Variants in LRRC32 observed in about 807,000 individuals in gnomAD.
LRRC32 encodes the protein transforming growth factor beta activator LRRC32.
Under a neutral mutation model 15.0 loss-of-function variants are expected in LRRC32, and 5 were observed. That is an observed-to-expected ratio of 0.33 (90% CI 0.17 to 0.70). The LOEUF is 0.70. LRRC32 is among the 30% of genes least tolerant of loss of function. The pLI, the probability that LRRC32 is intolerant of heterozygous loss-of-function variation, is 0.66. For missense variants in LRRC32, 803 were observed against 854.2 expected (o/e 0.94, Z 0.75); for synonymous variants, 391 against 403.9 (o/e 0.97, Z 0.38).
rs1952495248 is a variant in LRRC32 at position 76,660,355 on chromosome 11, TGCAG to T, written c.1234_1237del (p.Leu412SerfsTer36). ...TCGGTTCCCCTGCAGGTTGAGCCGC[TGCAG>T]GCTGGCCAGATTGGCAAAGGTGTAT... is the stretch of plus-strand genomic sequence containing the variant. On this transcript the variant is annotated frameshift_variant, in exon 3 of 3. Transcript: ENST00000260061. LOFTEE classifies it high-confidence loss of function. 6.2e-7 allele frequency: 1 copy of T among 1,612,998 alleles called. No homozygotes were observed. Among genetic ancestry groups the T allele is most frequent in the African/African-American group, 1.3e-5 (1 of 75,062 alleles).
chr11:76,665,527 T>A (rs577765440), intron 2 of LRRC32, among the ~76,000 whole-genome samples: 1 of 152,232 alleles, frequency 6.6e-6, no homozygotes, highest in East Asian at 1.9e-4. Context: ...CACATATATA[T>A]ATATTCTAGA....
intron 2 of LRRC32, chr11:76,663,090 G>A (rs531457293): frequency 2.0e-5 from 3 of 152,340 alleles, no homozygotes; most frequent in African/African-American, 4.8e-5. Flanking sequence ...AATTGTGGCT[G>A]TGTGTGTGAG....
At position 76,659,513 on chromosome 11, in the gene LRRC32, G is replaced by C; in HGVS notation, c.*91C>G. 1 of 1,373,768 alleles carries C rather than the reference G, an allele frequency of 7.3e-7. No homozygotes were observed. Among genetic ancestry groups the C allele is most frequent in the Middle Eastern group, 2.6e-4 (1 of 3,864 alleles). 85.1% of individuals were successfully genotyped at this position (1,373,768 alleles called of 1,614,324 possible). On this transcript the variant is annotated 3_prime_UTR_variant, in exon 3 of 3. Transcript: ENST00000260061. ...CTGTAATTTGGAGACCAGAGTTCTG[G>C]GATCCCGGATCACTGTGTGACCTTG... is the stretch of plus-strand genomic sequence containing the variant.
chr11:76,659,722 T>A lies in LRRC32; in HGVS notation c.1871A>T (p.Lys624Met). The change falls in exon 3 of 3, where the codon AAG becomes ATG. Residue 624 changes from lysine (K) to methionine (M), a missense_variant. Lys to Met is a moderately conservative substitution (Grantham distance 95, BLOSUM62 -1). Coordinates refer to ENST00000260061, the MANE Select transcript of LRRC32 (RefSeq NM_001128922.2). ...GAGGATGATGATGAGGTTGATGTTCTTCAGTCCCCCCTTCTCACAGTCCTC... is the reference window on the plus strand; with the variant it reads ...GAGGATGATGATGAGGTTGATGTTCATCAGTCCCCCCTTCTCACAGTCCTC... ...RPEDCEKGGL[K>M]NINLIIILTF... 1 of 1,614,190 alleles carries A rather than the reference T, an allele frequency of 6.2e-7. No individual in the cohort carries two copies. The highest frequency in any genetic ancestry group is 8.5e-7 in the Non-Finnish European group (1 of 1,180,028).
chr11:76,660,449 C>A lies in LRRC32; in HGVS notation c.1144G>T (p.Ala382Ser). ...HNALETLELG[A>S]RALGSLRTLL... is the part of the protein sequence containing the mutation. ...GTCCGCAGAGACCCCAGGGCTCTGGCGCCCAGTTCCAGTGTCTCCAGGGCA... is the reference window on the plus strand; with the variant it reads ...GTCCGCAGAGACCCCAGGGCTCTGGAGCCCAGTTCCAGTGTCTCCAGGGCA... Residue 382 changes from alanine (A) to serine (S), a missense_variant, in exon 3 of 3, where the codon GCC (alanine) becomes TCC (serine). Physicochemically the swap from Ala to Ser is moderately conservative, Grantham distance 99. Transcript: ENST00000260061. The A allele has an allele frequency of 1.2e-6, 2 of 1,613,628 alleles. No individual in the cohort carries two copies. Among genetic ancestry groups the A allele is most frequent in the East Asian group, 4.5e-5 (2 of 44,860 alleles).
In LRRC32 at chr11:76,660,508, A is replaced by G. The variant is rs1382298768; in HGVS notation, c.1085T>C (p.Leu362Pro). ...TAAGTCAAGGAGCATCAGGCAGGGC[A>G]GGGAGCCTAAGCGCCGGGCCTCAAA... is the stretch of plus-strand genomic sequence containing the variant. ...RTFEARRLGSLPCLMLLDLSH... is the reference protein window; with the variant it reads ...RTFEARRLGSPPCLMLLDLSH... Residue 362 changes from leucine (L) to proline (P), a missense_variant, in exon 3 of 3, where the codon CTG becomes CCG. Physicochemically the swap from Leu to Pro is moderately conservative, Grantham distance 98. Transcript: ENST00000260061. The G allele has an allele frequency of 1.9e-6, 3 of 1,614,020 alleles. No homozygotes were observed. The highest frequency in any genetic ancestry group is 2.5e-6 in the Non-Finnish European group (3 of 1,180,018).
intron 2 of LRRC32, among the ~76,000 whole-genome samples, chr11:76,662,047 A>C (rs1565405079): frequency 6.6e-6 from 1 of 152,140 alleles, no homozygotes; most frequent in Non-Finnish European, 1.5e-5. Context: ...ATCAGTTTTT[A>C]TCTTGGCCTC....
chr11:76,668,412 C>T (rs896857354), intron 1 of LRRC32, among the ~76,000 whole-genome samples: 1 of 152,104 alleles, frequency 6.6e-6, no homozygotes, highest in Admixed American at 6.5e-5. Flanking sequence ...CTGTCAGATC[C>T]TAAACCTCTT....
At chr11:76,662,202 AGGGGACCGGGCCCCT>A (rs1297218787) in intron 2 of LRRC32, among the ~76,000 whole-genome samples, 1 of 152,076 alleles carries the variant, frequency 6.6e-6, no homozygotes, top group Non-Finnish European at 1.5e-5. Flanking sequence ...AGGCTGGGTC[AGGGGACCGGGCCCCT>A]GGAGGTGGGA....
rs767808344 is a variant in LRRC32 at position 76,661,074 on chromosome 11, A to G, written c.519T>C (p.Pro173=). ...RLTRHTFRDM[P]ALEQLDLHSN... is the part of the protein sequence containing the mutation. ...TATGCAGGTCAAGCTGCTCCAGCGC[A>G]GGCATGTCCCGGAAGGTGTGGCGGG... The change falls in exon 3 of 3, where the codon CCT becomes CCC. Residue 173 remains proline, a synonymous_variant. Transcript: ENST00000260061. The G allele has an allele frequency of 6.8e-6, 11 of 1,614,224 alleles. No homozygotes were observed. The South Asian group carries it at 1.2e-4, about 18-fold the overall frequency.
In LRRC32 at chr11:76,666,417, C is replaced by T. The variant is rs543836735; in HGVS notation, c.-4-459G>A. 9.8e-5 allele frequency among the ~76,000 whole-genome samples: 15 copies of T among 152,334 alleles called. No individual in the cohort carries two copies. The South Asian group carries it at 3.1e-3, about 32-fold the overall frequency. On this transcript the variant is annotated intron_variant, in intron 1 of 2. Transcript: ENST00000260061. ...ACACAAGTCCTCCGTACCAGCTCTT[C>T]AGTCCCCACATGCAATTCCTCGTTT...
intron 1 of LRRC32, among the ~76,000 whole-genome samples, chr11:76,668,423 C>T (rs1374225689): frequency 6.6e-6 from 1 of 152,132 alleles, no homozygotes; most frequent in Non-Finnish European, 1.5e-5. Context: ...TAAACCTCTT[C>T]TGTTTGAAAA....
At chr11:76,662,123 C>G (rs1952546168) in intron 2 of LRRC32, among the ~76,000 whole-genome samples, 1 of 152,124 alleles carries the variant, frequency 6.6e-6, no homozygotes, top group Non-Finnish European at 1.5e-5. Context: ...GCCTGCCTTC[C>G]TTGTGGATGC....
In LRRC32 at chr11:76,661,153, TC is replaced by T; in HGVS notation, c.439del (p.Glu147ArgfsTer15). 1 of 1,612,666 alleles carries T rather than the reference TC, an allele frequency of 6.2e-7. No individual in the cohort carries two copies. Among genetic ancestry groups the T allele is most frequent in the Non-Finnish European group, 8.5e-7 (1 of 1,179,686 alleles). On this transcript the variant is annotated frameshift_variant, in exon 3 of 3. Transcript: ENST00000260061. LOFTEE classifies it low-confidence loss of function (END_TRUNC). ...YSGLLERLLG[E>X]APSLHTLSLA... ...TGAGAGGGTATGCAGGCTGGGTGCC[TC>T]CCCCAGCAGCCGCTCCAGCAGGCCG... is the stretch of plus-strand genomic sequence containing the variant.
intron 1 of LRRC32, among the ~76,000 whole-genome samples, chr11:76,666,203 G>A (rs990901495): frequency 2.6e-5 from 4 of 152,202 alleles, no homozygotes; most frequent in Admixed American, 6.5e-5. Flanking sequence ...AGTTTTAAGC[G>A]GCAGGTGACT....
At chr11:76,666,152 C>T (rs1304980516) in intron 1 of LRRC32, among the ~76,000 whole-genome samples, 194 bp from the exon 2 acceptor site, 1 of 152,256 alleles carries the variant, frequency 6.6e-6, no homozygotes, top group Non-Finnish European at 1.5e-5. Context: ...GTAGGCCTCT[C>T]ACCCAGGCCA....
chr11:76,670,235 C>T (rs1006067226), intron 1 of LRRC32, among the ~76,000 whole-genome samples: 1 of 152,228 alleles, frequency 6.6e-6, no homozygotes, highest in Non-Finnish European at 1.5e-5. Context: ...GGCAGGCCAT[C>T]TAGTGCTGTG....
At chr11:76,668,211 C>T (rs901029525) in intron 1 of LRRC32, among the ~76,000 whole-genome samples, 13 of 152,168 alleles carry the variant, frequency 8.5e-5, no homozygotes, top group Non-Finnish European at 1.6e-4. Context: ...CTCTCTGCAA[C>T]GTTCCCTTCA....
chr11:76,660,326 T>C lies in LRRC32; in HGVS notation c.1267A>G (p.Ser423Gly). Residue 423 changes from serine to glycine, a missense_variant, in exon 3 of 3, where the codon AGC becomes GGC. Transcript: ENST00000260061. ...QRLNLQGNRV[S>G]PCGGPDEPGP... is the part of the protein sequence containing the mutation. ...GGCTCATCTGGCCCCCCACAGGGGC[T>C]GACTCGGTTCCCCTGCAGGTTGAGC... The C allele has an allele frequency of 6.2e-7, 1 of 1,607,052 alleles. No homozygotes were observed. Among genetic ancestry groups the C allele is most frequent in the Non-Finnish European group, 8.5e-7 (1 of 1,176,866 alleles).
Sources: gnomAD v4.1 joint callset for allele counts (sites outside exome capture counted in the v4.1 genomes callset) on GRCh38, gnomAD v4.1.1 for gene constraint, MANE v1.5 for transcripts, NCBI Gene and HGNC (gene_info 2026-07-23, HGNC 2026-07-21) for gene names.